The following PRSS23 variants were observed in gnomAD, a reference collection of about 807,000 sequenced individuals.
PRSS23 encodes protease, serine 23.
In PRSS23, 25 loss-of-function variants were observed where a neutral mutation model predicts 34.7. The ratio of observed to expected loss-of-function variants is 0.72; its 90% CI spans 0.53 to 1.01. The LOEUF (loss-of-function observed/expected upper bound fraction) is 1.01, where lower values mean the gene tolerates loss of function less well. Among genes scored for constraint, PRSS23 ranks in the 50% least tolerant of loss-of-function variants. The pLI is 0.00. For missense variants in PRSS23, 445 were observed against 475.6 expected (o/e 0.94, Z 0.60); for synonymous variants, 176 against 186.6 (o/e 0.94, Z 0.46).
At chr11:86,820,255 GA>G (rs1191189575) in intron 1 of PRSS23, among the ~76,000 whole-genome samples, 1 of 152,170 alleles carries the variant, frequency 6.6e-6, no homozygotes, top group Non-Finnish European at 1.5e-5. Context: ...GCAAAACAAA[GA>G]TAAGCAAGAG....
intron 2 of PRSS23, among the ~76,000 whole-genome samples, chr11:86,841,407 A>G (rs1227763536): frequency 6.6e-6 from 1 of 151,954 alleles, no homozygotes; most frequent in African/African-American, 2.4e-5. Flanking sequence ...AAAGAAACTC[A>G]AAAGCTAGCA....
chr11:86,891,101 C>G (rs577551673), intron 2 of PRSS23, among the ~76,000 whole-genome samples: 1 of 152,286 alleles, frequency 6.6e-6, no homozygotes, highest in South Asian at 2.1e-4. Context: ...GTTCCACCCC[C>G]AGCTCCTCAA....
At chr11:86,873,113 C>T (rs181573084) in intron 2 of PRSS23, among the ~76,000 whole-genome samples, 1 of 151,654 alleles carries the variant, frequency 6.6e-6, no homozygotes, top group East Asian at 1.9e-4. Context: ...CTATCCAACC[C>T]CCTCTGTCCA....
At chr11:86,835,294 AC>A (rs1948395974) in intron 2 of PRSS23, among the ~76,000 whole-genome samples, 2 of 152,216 alleles carry the variant, frequency 1.3e-5, no homozygotes, top group African/African-American at 4.8e-5. Flanking sequence ...TGCCACCACT[AC>A]CTGTAAACAA....
At chr11:86,820,785 T>C (rs1948246081) in intron 1 of PRSS23, among the ~76,000 whole-genome samples, 1 of 152,212 alleles carries the variant, frequency 6.6e-6, no homozygotes, top group Admixed American at 6.5e-5. Flanking sequence ...AAAGGGCTTG[T>C]GTGAAACCTC....
chr11:86,800,620 G>T lies in PRSS23; in HGVS notation c.-45G>T. The T allele has an allele frequency of 1.0e-6, 1 of 985,146 alleles. No homozygotes were observed. The highest frequency in any genetic ancestry group is 1.2e-6 in the Non-Finnish European group (1 of 829,848). 61.0% of individuals were successfully genotyped at this position (985,146 alleles called of 1,614,324 possible). A position where few individuals can be genotyped will look rare whatever the true frequency, so the allele number is the denominator to read the frequency against. On this transcript the variant is annotated 5_prime_UTR_variant, in exon 1 of 2. Coordinates refer to ENST00000280258, the MANE Select transcript of PRSS23 (RefSeq NM_007173.6). Reference sequence around the variant, plus strand: ...CCCACACCTGTCTGAGCGGCGCAGCGAGCCGCGGCCCGGGCGGGCTGCTCG... The same window carrying T: ...CCCACACCTGTCTGAGCGGCGCAGCTAGCCGCGGCCCGGGCGGGCTGCTCG...
chr11:86,952,306 T>C (rs773169981), exon 3 of PRSS23: 5 of 1,614,066 alleles, frequency 3.1e-6, no homozygotes, highest in South Asian at 1.1e-5. Flanking sequence ...GGTCGTTCTG[T>C]GGTGGGAATT....
chr11:86,854,514 T>C (rs1948554732), intron 2 of PRSS23, among the ~76,000 whole-genome samples: 1 of 152,378 alleles, frequency 6.6e-6, no homozygotes, highest in East Asian at 1.9e-4. Context: ...GTTTGTCATT[T>C]AGATGTAATC....
At chr11:86,940,278 T>G (rs945282569) in intron 2 of PRSS23, among the ~76,000 whole-genome samples, 15 of 152,298 alleles carry the variant, frequency 9.8e-5, no homozygotes, top group African/African-American at 3.4e-4. Context: ...GCGTTATTTA[T>G]CTTTAGTTTG....
At chr11:86,819,410 A>G (rs1460405364) in intron 1 of PRSS23, among the ~76,000 whole-genome samples, 2 of 152,142 alleles carry the variant, frequency 1.3e-5, no homozygotes, top group East Asian at 3.8e-4. Flanking sequence ...GAACACCTAC[A>G]CTGCTATATA....
Position 86,833,714 on chromosome 11 carries a change from G to A in PRSS23, c.206+10121G>A, listed in dbSNP as rs893482571. Among the ~76,000 whole-genome samples, 6 of 152,234 alleles carry A rather than the reference G, an allele frequency of 3.9e-5. No homozygotes were observed. The East Asian group carries it at 5.8e-4, about 15-fold the overall frequency. On this transcript the variant is annotated intron_variant, in intron 2 of 2. Coordinates refer to the PRSS23 transcript ENST00000533902. ...TTATTGGTCGGGCGTGAGCTAAGTT[G>A]CAAGCCCCGTGTTTAAAGGTGGATG...
intron 1 of PRSS23, chr11:86,821,711 C>G: frequency 6.9e-7 from 1 of 1,459,298 alleles, no homozygotes; most frequent in African/African-American, 1.4e-5. Context: ...TACTGTTGAA[C>G]AGCTAGTGTA....
intron 2 of PRSS23, among the ~76,000 whole-genome samples, chr11:86,888,161 C>A (rs1189949240): frequency 1.3e-5 from 2 of 149,424 alleles, no homozygotes; most frequent in African/African-American, 4.9e-5. Context: ...CCACATAAGG[C>A]ATGGTTAATT....
intron 2 of PRSS23, among the ~76,000 whole-genome samples, chr11:86,923,769 A>G (rs535781810): frequency 6.6e-6 from 1 of 152,344 alleles, no homozygotes; most frequent in East Asian, 1.9e-4. Flanking sequence ...AAGTGTAAAA[A>G]GAAGACCCAC....
Position 86,924,517 on chromosome 11 carries a change from C to G in PRSS23, c.207-26699C>G, listed in dbSNP as rs572739091. ...TAAGATACTGCGCTTGCATTGGAGC[C>G]AAACTGGAAAATGCGAACTGGACTT... On this transcript the variant is annotated intron_variant, in intron 2 of 2. Coordinates refer to the PRSS23 transcript ENST00000533902. 2.7e-4 allele frequency among the ~76,000 whole-genome samples: 41 copies of G among 152,266 alleles called. No individual in the cohort carries two copies. In the South Asian group the frequency reaches 4.1e-3, roughly 15 times the overall value.
intron 2 of PRSS23, chr11:86,948,413 A>G (rs1489960489): frequency 6.6e-6 from 1 of 152,102 alleles, no homozygotes. Flanking sequence ...ACAAATACCG[A>G]TTTAAGAAGT....
At chr11:86,797,649 A>T (rs1174761422), upstream of PRSS23, among the ~76,000 whole-genome samples, 1 of 152,184 alleles carries the variant, frequency 6.6e-6, no homozygotes, top group Non-Finnish European at 1.5e-5. Flanking sequence ...AAACATTGCA[A>T]CTACTAGGAA....
At chr11:86,834,276 A>G (rs1241782497) in intron 2 of PRSS23, among the ~76,000 whole-genome samples, 1 of 152,038 alleles carries the variant, frequency 6.6e-6, no homozygotes, top group Non-Finnish European at 1.5e-5. Context: ...AGTAATTTTC[A>G]TTGGTTAGCT....
At chr11:86,943,541 T>C (rs372452087) in intron 2 of PRSS23, among the ~76,000 whole-genome samples, 40 of 152,006 alleles carry the variant, frequency 2.6e-4, no homozygotes, top group African/African-American at 6.8e-4. Flanking sequence ...GGAGAATCAC[T>C]TGAACCAGGG....
Sources: allele counts gnomAD v4.1 joint callset (sites outside exome capture counted in the v4.1 genomes callset), GRCh38; gene constraint gnomAD v4.1.1; transcripts MANE v1.5; gene names NCBI Gene and HGNC (gene_info 2026-07-23, HGNC 2026-07-21).